Variants in SNRPN observed in about 807,000 individuals in gnomAD.
SNRPN encodes the protein small nuclear ribonucleoprotein polypeptide N.
In SNRPN, 7 loss-of-function variants were observed where a neutral mutation model predicts 25.2. That is an observed-to-expected ratio of 0.28 (90% confidence interval 0.16 to 0.52). The LOEUF (loss-of-function observed/expected upper bound fraction) is 0.52, where lower values mean the gene tolerates loss of function less well. Ranked by LOEUF, SNRPN falls within the 20% of genes least tolerant of loss-of-function variation. The pLI is 0.96. For synonymous variants in SNRPN, 124 were observed against 110.6 expected (o/e 1.12, Z -0.76); for missense variants, 196 against 322.5 (o/e 0.61, Z 3.00).
Position 24,929,077 on chromosome 15 carries a change from A to G in SNRPN, c.-391+8953A>G, listed in dbSNP as rs1224102013. Among the ~76,000 whole-genome samples the G allele has an allele frequency of 6.6e-5, 10 of 152,120 alleles. No homozygotes were observed. Among genetic ancestry groups the G allele is most frequent in the Non-Finnish European group, 1.5e-4 (10 of 68,016 alleles). On this transcript the variant is annotated intron_variant, in intron 3 of 11. Coordinates refer to the SNRPN transcript ENST00000400097. This position sits in a 1 kb window ranked among gnomAD's most constrained non-coding sequence, Gnocchi z 5.3. ...AAACCAAGGTCTTGGTGCTACTGGT[A>G]TGTTATTGCTTTTAGGCCCTTCCAG... is the stretch of plus-strand genomic sequence containing the variant.
rs955311821 is a variant in SNRPN, at chr15:24,895,415, A to G, written c.-505+8826A>G. Among the ~76,000 whole-genome samples the G allele has an allele frequency of 1.2e-3, 177 of 151,506 alleles. 1 individual carries two copies. The highest frequency in any genetic ancestry group is 4.1e-3 in the African/African-American group (171 of 41,292). ...AATACACCCAAACACACACACACAC[A>G]CACACACACACACACACACACACAC... On this transcript the variant is annotated intron_variant, in intron 2 of 11. Transcript: ENST00000400097.
At chr15:24,827,053 C>G (rs1403898487) in intron 1 of SNRPN, among the ~76,000 whole-genome samples, 2 of 151,928 alleles carry the variant, frequency 1.3e-5, no homozygotes, top group Non-Finnish European at 2.9e-5. Context: ...TATACATATA[C>G]TATAGTAAAA....
chr15:24,834,751 C>CTCTCTCTCTCTCTCTATATATATGTATA, intron 2 of SNRPN, among the ~76,000 whole-genome samples: 20 of 60,954 alleles, frequency 3.3e-4, no homozygotes, highest in African/African-American at 1.2e-3. Flanking sequence ...CTCTCTCTCT[C>CTCTCTCTCTCTCTCTATATATATGTATA]TATATATATA....
intron 2 of SNRPN, among the ~76,000 whole-genome samples, chr15:24,907,367 G>A (rs2058875672): frequency 6.6e-6 from 1 of 152,112 alleles, no homozygotes; most frequent in Non-Finnish European, 1.5e-5. Context: ...GGAGGCCGAG[G>A]CAGGCGGATC....
intron 2 of SNRPN, among the ~76,000 whole-genome samples, chr15:24,844,480 A>G (rs1015863586): frequency 2.0e-5 from 3 of 152,106 alleles, no homozygotes; most frequent in Non-Finnish European, 4.4e-5. Context: ...AGTGTCTGTC[A>G]AAGAGCAGCA....
At chr15:24,874,170 C>T (rs758309199) in intron 1 of SNRPN, among the ~76,000 whole-genome samples, 12 of 151,602 alleles carry the variant, frequency 7.9e-5, no homozygotes, top group African/African-American at 1.7e-4. Flanking sequence ...ATTAGCCGGG[C>T]GTGGTGGCAG....
At chr15:24,830,890 G>A (rs1303069062) in intron 2 of SNRPN, among the ~76,000 whole-genome samples, 3 of 152,000 alleles carry the variant, frequency 2.0e-5, no homozygotes, top group Non-Finnish European at 4.4e-5. Flanking sequence ...AGTTCAATGT[G>A]TATTCTGCCC....
At chr15:24,892,288 C>A (rs1478072842) in intron 2 of SNRPN, among the ~76,000 whole-genome samples, 1 of 152,050 alleles carries the variant, frequency 6.6e-6, no homozygotes, top group Non-Finnish European at 1.5e-5. Flanking sequence ...AGAAGTCTGA[C>A]AGGGGAGGAA....
At chr15:24,905,973 C>T (rs1273184708) in intron 2 of SNRPN, among the ~76,000 whole-genome samples, 1 of 152,028 alleles carries the variant, frequency 6.6e-6, no homozygotes, top group Admixed American at 6.6e-5. Flanking sequence ...TTTCATCACC[C>T]ATTACAAGGT....
chr15:24,883,908 A>T (rs1238065747), intron 1 of SNRPN, among the ~76,000 whole-genome samples: 1 of 150,726 alleles, frequency 6.6e-6, no homozygotes, highest in Admixed American at 6.7e-5. Context: ...CGGGAGGCTG[A>T]GGCACGAGAA....
chr15:24,863,858 T>A (rs1002459779), intron 1 of SNRPN, among the ~76,000 whole-genome samples: 1 of 150,826 alleles, frequency 6.6e-6, no homozygotes, highest in Non-Finnish European at 1.5e-5. Flanking sequence ...TTCCAGTTAC[T>A]TTATCTTTTA....
At chr15:24,955,679 T>G in intron 1 of SNRPN, among the ~76,000 whole-genome samples, 7 of 57,842 alleles carry the variant, frequency 1.2e-4, no homozygotes, top group African/African-American at 2.2e-4. Context: ...GGTGTGACAG[T>G]GGTGGGGGTT....
intron 1 of SNRPN, among the ~76,000 whole-genome samples, chr15:24,955,477 G>T (rs2062688832): frequency 6.6e-6 from 1 of 151,672 alleles, no homozygotes; most frequent in Non-Finnish European, 1.5e-5. Context: ...TTAGGCGGAG[G>T]TAGGTATATT....
intron 8 of SNRPN, 88 bp downstream of exon 8, chr15:24,978,004 T>C: frequency 7.5e-7 from 1 of 1,341,412 alleles, no homozygotes; most frequent in East Asian, 2.3e-5. Flanking sequence ...AGCCTAAGAA[T>C]TTGGGGAATA....
chr15:24,963,617 G>GAA lies in SNRPN; in HGVS notation c.-295+1420_-295+1421dup, dbSNP rs796727910. 6.9e-3 allele frequency among the ~76,000 whole-genome samples: 902 copies of GAA among 131,586 alleles called. 2 individuals are homozygous for GAA. Among genetic ancestry groups the GAA allele is most frequent in the African/African-American group, 9.5e-3 (346 of 36,526 alleles). 86.3% of individuals were successfully genotyped at this position (131,586 alleles called of 152,430 possible). On this transcript the variant is annotated intron_variant, in intron 2 of 9. Coordinates refer to ENST00000390687, the MANE Select transcript of SNRPN (RefSeq NM_003097.6). ...GTGACAGAGCAAGACTCCATCTCAG[G>GAA]AAAAAAAAAAAAAGAAAATGCAGTG...
chr15:24,829,323 C>T (rs527927983), intron 1 of SNRPN, among the ~76,000 whole-genome samples: 3 of 152,096 alleles, frequency 2.0e-5, no homozygotes, highest in African/African-American at 7.2e-5. Context: ...AGGGAGGCCT[C>T]CAGGAGGAGG....
intron 2 of SNRPN, among the ~76,000 whole-genome samples, chr15:24,967,574 G>A (rs932837014): frequency 1.3e-5 from 2 of 151,708 alleles, no homozygotes; most frequent in South Asian, 2.1e-4. Flanking sequence ...CCCAGGAGGC[G>A]GAGCTTGCAG....
chr15:24,830,282 C>T (rs952518142), intron 2 of SNRPN, among the ~76,000 whole-genome samples: 3 of 151,918 alleles, frequency 2.0e-5, no homozygotes, highest in Non-Finnish European at 2.9e-5. Flanking sequence ...AGATTTGTGT[C>T]GCCTGAATTC....
chr15:24,966,444 G>A (rs2075648420), intron 2 of SNRPN, among the ~76,000 whole-genome samples: 2 of 152,004 alleles, frequency 1.3e-5, no homozygotes, highest in South Asian at 4.1e-4. Flanking sequence ...TTTTTGTTGG[G>A]GATTCATTAT....
Sources: allele counts gnomAD v4.1 joint callset (sites outside exome capture counted in the v4.1 genomes callset), GRCh38; gene constraint gnomAD v4.1.1; non-coding constraint Gnocchi (gnomAD v3.1); transcripts MANE v1.5; gene names NCBI Gene and HGNC (gene_info 2026-07-23, HGNC 2026-07-21).